The following VCAN variants were observed in gnomAD, a reference collection of about 807,000 sequenced individuals.
The protein encoded by VCAN is versican core protein.
Under a neutral mutation model 245.5 loss-of-function variants are expected in VCAN, and 44 were observed. The ratio of observed to expected loss-of-function variants is 0.18; its 90% confidence interval spans 0.14 to 0.23. The LOEUF (loss-of-function observed/expected upper bound fraction) is 0.23. Among genes scored for constraint, VCAN ranks in the 10% least tolerant of loss-of-function variants. VCAN has a pLI of 1.00. For missense variants in VCAN, 3,793 were observed against 4,057.9 expected (o/e 0.93, Z 1.77); for synonymous variants, 1,413 against 1,437.0 (o/e 0.98, Z 0.38).
chr5:83,569,784 G>A (rs566329901), intron 12 of VCAN, among the ~76,000 whole-genome samples: 6 of 152,156 alleles, frequency 3.9e-5, no homozygotes, highest in South Asian at 2.1e-4. Context: ...AATATTTGGC[G>A]AACTCTGGAA....
chr5:83,572,641 C>A (rs761817348), intron 13 of VCAN, 81 bp downstream of exon 13: 25 of 1,547,894 alleles, frequency 1.6e-5, no homozygotes, highest in South Asian at 4.5e-5. Flanking sequence ...GTCTCAAATT[C>A]ATTGTTTGAG....
intron 5 of VCAN, among the ~76,000 whole-genome samples, chr5:83,510,822 T>C (rs1482855192): frequency 1.3e-5 from 2 of 152,214 alleles, no homozygotes; most frequent in Non-Finnish European, 2.9e-5. Flanking sequence ...CAGCCTTTTC[T>C]TGTTAATCAA....
chr5:83,575,862 AAAG>A (rs532025901), intron 13 of VCAN, among the ~76,000 whole-genome samples: 92 of 152,274 alleles, frequency 6.0e-4, no homozygotes, highest in African/African-American at 1.8e-3. Flanking sequence ...CTACCTCATT[AAAG>A]AAGAAGAAGG....
At chr5:83,489,968 T>C (rs1310651246) in intron 2 of VCAN, 130 bp from the exon 3 acceptor site, 1 of 897,648 alleles carries the variant, frequency 1.1e-6, no homozygotes, top group Admixed American at 2.3e-5. Context: ...TTATATAAAG[T>C]CATTCTAATT....
intron 5 of VCAN, among the ~76,000 whole-genome samples, chr5:83,495,965 C>T (rs1745147493): frequency 6.6e-6 from 1 of 152,172 alleles, no homozygotes; most frequent in African/African-American, 2.4e-5. Flanking sequence ...CAGCTCTTAG[C>T]TCTCTAAGGC....
rs757685339 is a variant in VCAN, at chr5:83,519,393, G to A, written c.1087G>A (p.Ala363Thr). 9 of 1,614,052 alleles carry A rather than the reference G, an allele frequency of 5.6e-6. No homozygotes were observed. The highest frequency in any genetic ancestry group is 1.6e-4 in the Middle Eastern group (1 of 6,062). ...TIDLSILAET[A>T]SPSLSKEPQM... ...CGATTTGAGTATCCTCGCAGAAACT[G>A]CATCACCCAGTTTATCCAAAGAACC... The change falls in exon 7 of 15, where the codon GCA becomes ACA. Residue 363 changes from alanine to threonine, a missense_variant. Ala to Thr is a moderately conservative substitution (Grantham distance 58). Coordinates refer to ENST00000265077, the MANE Select transcript of VCAN (RefSeq NM_004385.5).
intron 6 of VCAN, 70 bp downstream of exon 6, chr5:83,512,466 A>T (rs757917584): frequency 6.5e-7 from 1 of 1,546,546 alleles, no homozygotes; most frequent in Non-Finnish European, 8.8e-7. Context: ...ATTGATGTTC[A>T]ACTAGCCGTT....
rs766529109 is a variant in VCAN, at chr5:83,537,057, AAAG to A, written c.4059_4061del (p.Glu1353del). On this transcript the variant is annotated inframe_deletion, in exon 8 of 15. Transcript: ENST00000265077. Reference sequence around the variant, plus strand: ...TGGTCATCCAATAGATTCAGAATCTAAAGAAGATGAACCTTGTAGTGAAGAAAC... The same window carrying A: ...TGGTCATCCAATAGATTCAGAATCTAAAGATGAACCTTGTAGTGAAGAAAC... The A allele has an allele frequency of 6.0e-5, 96 of 1,611,786 alleles. No homozygotes were observed. In the South Asian group the frequency reaches 7.4e-4, roughly 12 times the overall value.
chr5:83,492,696 G>C (rs1745021684), intron 3 of VCAN, among the ~76,000 whole-genome samples: 2 of 152,192 alleles, frequency 1.3e-5, no homozygotes, highest in Admixed American at 1.3e-4. Context: ...AGTATCAGGA[G>C]CTTCTACTAG....
At chr5:83,506,195 G>A (rs7723805) in intron 5 of VCAN, among the ~76,000 whole-genome samples, 25,363 of 152,148 alleles carry the variant, frequency 0.17, 2,402 homozygotes, top group African/African-American at 0.24. Context: ...TTCTGCAGCC[G>A]GCTTGAATTC....
chr5:83,496,221 G>A (rs1745155685), intron 5 of VCAN, among the ~76,000 whole-genome samples: 2 of 152,184 alleles, frequency 1.3e-5, no homozygotes, highest in Non-Finnish European at 2.9e-5. Flanking sequence ...CTCTGAGGAT[G>A]TATGCATATC....
At chr5:83,513,495 G>T (rs191467399) in intron 6 of VCAN, among the ~76,000 whole-genome samples, 46 of 152,272 alleles carry the variant, frequency 3.0e-4, no homozygotes, top group African/African-American at 1.0e-3. Flanking sequence ...CAACCAAAAG[G>T]TTTGTTTTCA....
intron 7 of VCAN, among the ~76,000 whole-genome samples, chr5:83,534,368 A>T (rs1746627863): frequency 6.6e-6 from 1 of 152,020 alleles, no homozygotes; most frequent in Admixed American, 6.6e-5. Flanking sequence ...TTGCTGGAGA[A>T]ACCCAGCTGA....
chr5:83,471,876 T>C lies in VCAN; in HGVS notation c.-154T>C. Reference sequence around the variant, plus strand: ...AAGATCTTCGGCCAGCCCCGCATCCTCCCGCATCTTCCAGCACCGTCCCGC... The same window carrying C: ...AAGATCTTCGGCCAGCCCCGCATCCCCCCGCATCTTCCAGCACCGTCCCGC... On this transcript the variant is annotated 5_prime_UTR_variant, in exon 1 of 15. Coordinates refer to ENST00000265077, the MANE Select transcript of VCAN (RefSeq NM_004385.5). 1 of 395,344 alleles carries C rather than the reference T, an allele frequency of 2.5e-6. No homozygotes were observed. The highest frequency in any genetic ancestry group is 4.5e-6 in the Non-Finnish European group (1 of 224,394). 24.5% of individuals were successfully genotyped at this position (395,344 alleles called of 1,614,324 possible).
chr5:83,540,739 A>T lies in VCAN; in HGVS notation c.7736A>T (p.Asp2579Val). ...ACATCGGATAAAAATACTATCATAGATATTGATCATACTAAACCTGTGTAT... is the reference window on the plus strand; with the variant it reads ...ACATCGGATAAAAATACTATCATAGTTATTGATCATACTAAACCTGTGTAT... Reference protein sequence around the residue: ...ELTSDKNTIIDIDHTKPVYED... With the variant: ...ELTSDKNTIIVIDHTKPVYED... The change falls in exon 8 of 15, where the codon GAT (aspartate) becomes GTT (valine). Residue 2579 changes from aspartate to valine, a missense_variant. Asp to Val is a radical substitution (Grantham distance 152, BLOSUM62 -3). This residue lies in a region of VCAN where 3,182 missense variants were observed against 3,250.3 expected (regional missense o/e 0.98). Transcript: ENST00000265077. 1 of 1,613,998 alleles carries T rather than the reference A, an allele frequency of 6.2e-7. No individual in the cohort carries two copies.
At position 83,537,036 on chromosome 5, in the gene VCAN, C is replaced by A; in HGVS notation, c.4033C>A (p.His1345Asn). The change falls in exon 8 of 15, where the codon CAT (histidine) becomes AAT (asparagine). Residue 1345 changes from histidine to asparagine, a missense_variant. By Grantham distance (68) the His-to-Asn change is moderately conservative (BLOSUM62 1). This residue lies in a region of VCAN where 3,182 missense variants were observed against 3,250.3 expected (regional missense o/e 0.98). Coordinates refer to ENST00000265077, the MANE Select transcript of VCAN (RefSeq NM_004385.5). Reference sequence around the variant, plus strand: ...AATGAGTGATTTGAGTGTAATTGGTCATCCAATAGATTCAGAATCTAAAGA... The same window carrying A: ...AATGAGTGATTTGAGTGTAATTGGTAATCCAATAGATTCAGAATCTAAAGA... ...GRMSDLSVIG[H>N]PIDSESKEDE... The A allele has an allele frequency of 1.2e-6, 2 of 1,604,990 alleles. No homozygotes were observed. Among genetic ancestry groups the A allele is most frequent in the South Asian group, 2.2e-5 (2 of 89,050 alleles).
intron 9 of VCAN, among the ~76,000 whole-genome samples, chr5:83,546,426 A>G (rs143937905): frequency 6.6e-6 from 1 of 152,204 alleles, no homozygotes; most frequent in Non-Finnish European, 1.5e-5. Context: ...CAATATTGCG[A>G]TACAATCCCA....
rs759774221 is a variant in VCAN at position 83,539,909 on chromosome 5, C to G, written c.6906C>G (p.Asn2302Lys). The G allele has an allele frequency of 6.2e-7, 1 of 1,614,020 alleles. No individual in the cohort carries two copies. The highest frequency in any genetic ancestry group is 8.5e-7 in the Non-Finnish European group (1 of 1,179,962). The change falls in exon 8 of 15, where the codon AAC becomes AAG. Residue 2302 changes from asparagine to lysine, a missense_variant. Around this residue, in one of 5 missense-constraint regions of VCAN, gnomAD observed 3,182 missense variants for 3,250.3 expected, o/e 0.98. Coordinates refer to ENST00000265077, the MANE Select transcript of VCAN (RefSeq NM_004385.5). ...CAAGTGACAAAATTGAAGACTTTAA[C>G]AGAATGGAAAATGTGGCAAAAGAAG... Reference protein sequence around the residue: ...STSSDKIEDFNRMENVAKEVG... With the variant: ...STSSDKIEDFKRMENVAKEVG...
intron 2 of VCAN, among the ~76,000 whole-genome samples, chr5:83,489,015 C>A (rs1744879427): frequency 6.6e-6 from 1 of 152,176 alleles, no homozygotes; most frequent in South Asian, 2.1e-4. Context: ...TGAGAATCCA[C>A]AGTGTTTACA....
Sources: allele counts gnomAD v4.1 joint callset (sites outside exome capture counted in the v4.1 genomes callset), GRCh38; gene constraint gnomAD v4.1.1; regional missense constraint gnomAD v4.1.1; transcripts MANE v1.5; gene names NCBI Gene and HGNC (gene_info 2026-07-23, HGNC 2026-07-21).